Variants in CDK14 observed in about 807,000 individuals in gnomAD.
CDK14 encodes cyclin dependent kinase 14, also known as cyclin-dependent kinase 14.
Under a neutral mutation model 60.7 loss-of-function variants are expected in CDK14, and 34 were observed. The observed-to-expected ratio is 0.56, with a 90% CI of 0.43 to 0.75. The LOEUF is 0.75. CDK14 is among the 30% of genes least tolerant of loss of function. The pLI is 0.00. For synonymous variants in CDK14, 197 were observed against 203.7 expected (o/e 0.97, Z 0.28); for missense variants, 482 against 564.1 (o/e 0.85, Z 1.47).
rs186799496 is a variant in CDK14 at position 91,062,080 on chromosome 7, T to C, written c.1105+16120T>C. 1.3e-4 allele frequency among the ~76,000 whole-genome samples: 20 copies of C among 152,324 alleles called. No homozygotes were observed. In the East Asian group the frequency reaches 3.9e-3, roughly 29 times the overall value. On this transcript the variant is annotated intron_variant, in intron 11 of 14. Transcript: ENST00000380050. Reference sequence around the variant, plus strand: ...GAGCTTCCTGGCTGCTTTGTTTACCTACTCAAGCCTCGGCAATGGTGGGCA... The same window carrying C: ...GAGCTTCCTGGCTGCTTTGTTTACCCACTCAAGCCTCGGCAATGGTGGGCA...
intron 6 of CDK14, among the ~76,000 whole-genome samples, chr7:90,883,771 A>C (rs1791845890): frequency 6.6e-6 from 1 of 152,238 alleles, no homozygotes; most frequent in Admixed American, 6.5e-5. Flanking sequence ...CTGGGATGCA[A>C]GGCTGGCTTA....
chr7:90,701,009 T>G (rs1261893099), intron 2 of CDK14, among the ~76,000 whole-genome samples: 1 of 152,248 alleles, frequency 6.6e-6, no homozygotes. Flanking sequence ...TTACAATGTC[T>G]TCTTAGCACT....
At position 90,904,962 on chromosome 7, in the gene CDK14, T is replaced by A. The variant is rs78086265; in HGVS notation, c.702+5609T>A. Among the ~76,000 whole-genome samples, 3 of 152,214 alleles carry A rather than the reference T, an allele frequency of 2.0e-5. No homozygotes were observed. The South Asian group carries it at 6.2e-4, about 32-fold the overall frequency. ...CCTAGAATTCTGTGCAAACTGTCAGTGAAGTATGAAGGTAAAATTACCATT... is the reference window on the plus strand; with the variant it reads ...CCTAGAATTCTGTGCAAACTGTCAGAGAAGTATGAAGGTAAAATTACCATT... On this transcript the variant is annotated intron_variant, in intron 7 of 14. Coordinates refer to ENST00000380050, the MANE Select transcript of CDK14 (RefSeq NM_001287135.2).
chr7:90,860,249 A>G (rs1790961471), intron 5 of CDK14, among the ~76,000 whole-genome samples: 1 of 151,996 alleles, frequency 6.6e-6, no homozygotes, highest in East Asian at 1.9e-4. Flanking sequence ...CCTGTCTTTC[A>G]CAGTTCTTTT....
chr7:90,697,856 C>G (rs1164159210), intron 2 of CDK14, among the ~76,000 whole-genome samples: 1 of 151,854 alleles, frequency 6.6e-6, no homozygotes, highest in Non-Finnish European at 1.5e-5. Flanking sequence ...ATCACGAGGT[C>G]AGGAGATCCA....
chr7:91,059,876 A>G (rs1797721192), intron 11 of CDK14, among the ~76,000 whole-genome samples: 1 of 152,230 alleles, frequency 6.6e-6, no homozygotes, highest in South Asian at 2.1e-4. Flanking sequence ...AAGAATGTGT[A>G]TTCTGTTGAT....
At chr7:91,139,785 C>CCTTCCTTTCTTTCTTTCTTT (rs1554438391) in intron 14 of CDK14, among the ~76,000 whole-genome samples, 2 of 146,370 alleles carry the variant, frequency 1.4e-5, no homozygotes, top group South Asian at 4.5e-4. Context: ...TTTTTTCTTT[C>CCTTCCTTTCTTTCTTTCTTT]CTTTCTTTCT....
chr7:91,076,115 A>C (rs1355780587), intron 11 of CDK14, among the ~76,000 whole-genome samples: 1 of 151,836 alleles, frequency 6.6e-6, no homozygotes, highest in Non-Finnish European at 1.5e-5. Flanking sequence ...TTAGAAAAAA[A>C]AACTACTTTA....
intron 14 of CDK14, among the ~76,000 whole-genome samples, chr7:91,136,654 A>G (rs1800288919): frequency 6.6e-6 from 1 of 152,196 alleles, no homozygotes; most frequent in African/African-American, 2.4e-5. Flanking sequence ...GAGTTTTGAA[A>G]AATATGTACG....
chr7:90,732,243 A>G (rs1339902564), intron 3 of CDK14, among the ~76,000 whole-genome samples: 1 of 152,166 alleles, frequency 6.6e-6, no homozygotes, highest in Non-Finnish European at 1.5e-5. Context: ...TTGGTTTGCC[A>G]GTATTTTATT....
At chr7:90,984,965 G>A (rs1795333272) in intron 10 of CDK14, among the ~76,000 whole-genome samples, 1 of 152,178 alleles carries the variant, frequency 6.6e-6, no homozygotes, top group Non-Finnish European at 1.5e-5. Flanking sequence ...ACAAGTCAAT[G>A]TTATGTGGTC....
At chr7:91,127,109 A>G (rs1370395722) in intron 14 of CDK14, among the ~76,000 whole-genome samples, 1 of 152,144 alleles carries the variant, frequency 6.6e-6, no homozygotes, top group Non-Finnish European at 1.5e-5. Flanking sequence ...GGAAGGAAAG[A>G]TAATACCCAA....
chr7:91,056,377 A>C (rs1466727914), intron 11 of CDK14, among the ~76,000 whole-genome samples: 1 of 150,314 alleles, frequency 6.7e-6, no homozygotes, highest in Non-Finnish European at 1.5e-5. Context: ...GGTAATCTGA[A>C]TATTCATATA....
chr7:91,043,706 G>T (rs1156301478), intron 10 of CDK14, among the ~76,000 whole-genome samples: 1 of 152,104 alleles, frequency 6.6e-6, no homozygotes, highest in Admixed American at 6.6e-5. Flanking sequence ...AGTTTGTGTA[G>T]ATCTATCTAT....
At chr7:91,013,399 T>G (rs1796214568) in intron 10 of CDK14, among the ~76,000 whole-genome samples, 1 of 152,234 alleles carries the variant, frequency 6.6e-6, no homozygotes. Flanking sequence ...ACTTTGTATT[T>G]GACTTCATTA....
intron 7 of CDK14, among the ~76,000 whole-genome samples, chr7:90,903,161 G>A (rs1174290606): frequency 6.6e-6 from 1 of 152,108 alleles, no homozygotes; most frequent in East Asian, 1.9e-4. Flanking sequence ...TTATTATGGA[G>A]AACCTATGGA....
chr7:90,773,791 A>G (rs1038739372), intron 4 of CDK14, among the ~76,000 whole-genome samples: 3 of 150,352 alleles, frequency 2.0e-5, no homozygotes, highest in Non-Finnish European at 4.4e-5. Flanking sequence ...TAGAAGTAAC[A>G]CTGGCATAGG....
At chr7:90,646,664 C>T (rs1800475191) in intron 2 of CDK14, among the ~76,000 whole-genome samples, 1 of 152,162 alleles carries the variant, frequency 6.6e-6, no homozygotes, top group South Asian at 2.1e-4. Context: ...TTGGGCTCCA[C>T]ACTAGTGGAG....
chr7:90,824,448 A>G (rs1466875954), intron 5 of CDK14, among the ~76,000 whole-genome samples: 1 of 152,218 alleles, frequency 6.6e-6, no homozygotes, highest in Non-Finnish European at 1.5e-5. Context: ...GGTTTTGGAA[A>G]CAGTTGCTCT....
Sources: gnomAD v4.1 joint callset for allele counts (sites outside exome capture counted in the v4.1 genomes callset) on GRCh38, gnomAD v4.1.1 for gene constraint, MANE v1.5 for transcripts, NCBI Gene and HGNC (gene_info 2026-07-23, HGNC 2026-07-21) for gene names.